The following CSMD3 variants were observed in gnomAD, a reference collection of about 807,000 sequenced individuals.
The protein encoded by CSMD3 is CUB and Sushi multiple domains 3.
Under a neutral mutation model 435.2 loss-of-function variants are expected in CSMD3, and 177 were observed. The observed-to-expected ratio is 0.41, with a 90% CI of 0.36 to 0.46. CSMD3 has a LOEUF of 0.46. Among genes scored for constraint, CSMD3 ranks in the 20% least tolerant of loss-of-function variants. CSMD3 has a pLI of 0.34. For synonymous variants in CSMD3, 1,656 were observed against 1,520.5 expected (o/e 1.09, Z -2.07); for missense variants, 4,265 against 4,504.6 (o/e 0.95, Z 1.52).
chr8:112,532,676 G>A (rs189218875), intron 27 of CSMD3, among the ~76,000 whole-genome samples: 84 of 151,934 alleles, frequency 5.5e-4, no homozygotes, highest in Non-Finnish European at 9.1e-4. Context: ...CATCATAACT[G>A]TTTTACAAGA....
At chr8:113,328,252 A>T (rs944508253) in intron 1 of CSMD3, among the ~76,000 whole-genome samples, 1 of 151,240 alleles carries the variant, frequency 6.6e-6, no homozygotes, top group African/African-American at 2.4e-5. Flanking sequence ...TCCCGGCTAA[A>T]ACGGTGAAAC....
rs147295633 is a variant in CSMD3, at chr8:112,844,040, A to G, written c.1756-14251T>C. 5.7e-4 allele frequency among the ~76,000 whole-genome samples: 86 copies of G among 152,064 alleles called. 2 individuals carry two copies. In the East Asian group the frequency reaches 8.7e-3, roughly 15 times the overall value. The stretch of plus-strand genomic sequence containing the variant: ...CACCCTGCAAATTTACATAAGCCAC[A>G]TAAGTTTTCCAAACTTGTTTCTGCA... On this transcript the variant is annotated intron_variant, in intron 11 of 70. Coordinates refer to ENST00000297405, the MANE Select transcript of CSMD3 (RefSeq NM_198123.2).
chr8:112,338,521 T>C (rs1248074168), intron 42 of CSMD3, among the ~76,000 whole-genome samples: 2 of 152,162 alleles, frequency 1.3e-5, no homozygotes, highest in Non-Finnish European at 2.9e-5. Context: ...AAGTTCAAAA[T>C]TGTATTCTAA....
chr8:112,402,607 T>C lies in CSMD3; in HGVS notation c.5809+3917A>G, dbSNP rs747058959. ...CTAAGTCCTTCTATTTTTACAGCAT[T>C]GATATTTTCTGTCAATACCTACATA... On this transcript the variant is annotated intron_variant, in intron 35 of 70. Coordinates refer to ENST00000297405, the MANE Select transcript of CSMD3 (RefSeq NM_198123.2). Among the ~76,000 whole-genome samples the C allele has an allele frequency of 7.9e-5, 12 of 152,258 alleles. No individual in the cohort carries two copies. In the Middle Eastern group the frequency reaches 0.01, roughly 132 times the overall value.
intron 32 of CSMD3, among the ~76,000 whole-genome samples, chr8:112,455,264 A>G (rs1187199138): frequency 6.6e-6 from 1 of 152,068 alleles, no homozygotes; most frequent in Non-Finnish European, 1.5e-5. Context: ...AGCCATAAAA[A>G]GAAGGAAATC....
chr8:113,432,447 C>A (rs1004473241), intron 1 of CSMD3, among the ~76,000 whole-genome samples: 3 of 152,182 alleles, frequency 2.0e-5, no homozygotes, highest in African/African-American at 7.2e-5. Context: ...CTGTGTCAGC[C>A]CCTTAGCTGG....
At chr8:112,589,124 G>A (rs1277876376) in intron 22 of CSMD3, among the ~76,000 whole-genome samples, 4 of 152,062 alleles carry the variant, frequency 2.6e-5, no homozygotes, top group East Asian at 1.9e-4. Context: ...TCAATTGCAC[G>A]TCTAATCTTG....
chr8:112,556,715 TAA>T, intron 25 of CSMD3, 46 bp downstream of exon 25: 1 of 1,475,252 alleles, frequency 6.8e-7, no homozygotes, highest in Non-Finnish European at 9.5e-7. Context: ...AAGAATTTGA[TAA>T]AGTTTTCACA....
intron 24 of CSMD3, among the ~76,000 whole-genome samples, chr8:112,568,529 A>G (rs1586701204): frequency 1.3e-5 from 2 of 151,838 alleles, no homozygotes; most frequent in South Asian, 2.1e-4. Context: ...CAGAAGACAG[A>G]GATTCCAGCC....
chr8:113,087,903 A>T (rs1169063397), intron 5 of CSMD3, among the ~76,000 whole-genome samples: 23 of 152,104 alleles, frequency 1.5e-4, no homozygotes, highest in Admixed American at 1.4e-3. Context: ...AATAAAAACT[A>T]CCATCAGAGT....
chr8:112,488,424 A>C (rs925251897), intron 31 of CSMD3, among the ~76,000 whole-genome samples: 5 of 152,218 alleles, frequency 3.3e-5, no homozygotes, highest in Non-Finnish European at 7.3e-5. Flanking sequence ...TTGTGTTCTA[A>C]GAGTCTGCAG....
chr8:112,387,122 A>G, intron 36 of CSMD3, among the ~76,000 whole-genome samples: 1 of 152,182 alleles, frequency 6.6e-6, no homozygotes, highest in South Asian at 2.1e-4. Flanking sequence ...AGACCCTGCT[A>G]AAATAAACAA....
chr8:113,216,407 G>C (rs2092906514), intron 3 of CSMD3, among the ~76,000 whole-genome samples: 1 of 151,844 alleles, frequency 6.6e-6, no homozygotes, highest in African/African-American at 2.4e-5. Context: ...ATTGATATTG[G>C]TGAATTTGAA....
chr8:112,573,379 G>T, intron 24 of CSMD3, 122 bp downstream of exon 24: 2 of 883,534 alleles, frequency 2.3e-6, no homozygotes, highest in Non-Finnish European at 3.7e-6. Context: ...AATTATATAT[G>T]TAGAAAGGAG....
intron 10 of CSMD3, among the ~76,000 whole-genome samples, chr8:112,900,008 C>A (rs1014326093): frequency 4.0e-5 from 6 of 150,874 alleles, no homozygotes; most frequent in Non-Finnish European, 1.5e-5. Flanking sequence ...ATTTGTAATT[C>A]CTTTTCTCTC....
At chr8:112,279,745 G>A (rs1304711196) in intron 59 of CSMD3, among the ~76,000 whole-genome samples, 2 of 152,074 alleles carry the variant, frequency 1.3e-5, no homozygotes, top group Admixed American at 1.3e-4. Context: ...TGATGCCCCT[G>A]ATTAAGACCT....
intron 12 of CSMD3, among the ~76,000 whole-genome samples, chr8:112,802,491 T>C (rs2078982401): frequency 6.6e-6 from 1 of 152,114 alleles, no homozygotes; most frequent in Non-Finnish European, 1.5e-5. Context: ...ATGGATTGTA[T>C]ATTCCTAGCT....
At chr8:112,410,628 G>GTATA (rs373147062) in intron 32 of CSMD3, among the ~76,000 whole-genome samples, 4,095 of 68,338 alleles carry the variant, frequency 0.06, 596 homozygotes, top group Middle Eastern at 0.13. Context: ...ATATATATGT[G>GTATA]TATATATATG....
chr8:112,614,671 A>C (rs1012763946), intron 22 of CSMD3, among the ~76,000 whole-genome samples: 1 of 152,064 alleles, frequency 6.6e-6, no homozygotes, highest in African/African-American at 2.4e-5. Flanking sequence ...TAGACTTACA[A>C]GTAACCATTT....
Sources: allele counts gnomAD v4.1 joint callset (sites outside exome capture counted in the v4.1 genomes callset), GRCh38; gene constraint gnomAD v4.1.1; transcripts MANE v1.5; gene names NCBI Gene and HGNC (gene_info 2026-07-23, HGNC 2026-07-21).